Variants in DAB1 observed in about 807,000 individuals in gnomAD.
DAB1 encodes disabled homolog 1.
A neutral mutation model predicts 64.6 loss-of-function variants in DAB1; 15 were observed. That is an observed-to-expected ratio of 0.23 (90% CI 0.16 to 0.36). The LOEUF (loss-of-function observed/expected upper bound fraction) is 0.36, where lower values mean the gene tolerates loss of function less well. Ranked by LOEUF, DAB1 falls within the 10% of genes least tolerant of loss-of-function variation. The probability of loss-of-function intolerance (pLI) is 1.00; values close to 1 mark genes in which losing one functional copy is unlikely to be tolerated. For missense variants in DAB1, 596 were observed against 706.7 expected (o/e 0.84, Z 1.78); for synonymous variants, 235 against 251.9 (o/e 0.93, Z 0.64).
chr1:57,247,142 G>A, intron 2 of DAB1, among the ~76,000 whole-genome samples: 1 of 152,140 alleles, frequency 6.6e-6, no homozygotes, highest in East Asian at 1.9e-4. Flanking sequence ...GATTTGGGAG[G>A]AGCTAGGGGC....
intron 6 of DAB1, among the ~76,000 whole-genome samples, chr1:57,819,709 T>C (rs983861662): frequency 6.6e-6 from 1 of 152,210 alleles, no homozygotes; most frequent in African/African-American, 2.4e-5. Context: ...CCATTTATCT[T>C]GTGCTCCCAC....
At position 58,006,212 on chromosome 1, in the gene DAB1, C is replaced by T. The variant is rs189313349; in HGVS notation, n.388-122050G>A. 6.6e-5 allele frequency among the ~76,000 whole-genome samples: 10 copies of T among 152,294 alleles called. No homozygotes were observed. In the East Asian group the frequency reaches 1.9e-3, roughly 29 times the overall value. On this transcript the variant is annotated intron_variant and non_coding_transcript_variant, in intron 5 of 20. Transcript: ENST00000485760. The stretch of plus-strand genomic sequence containing the variant: ...ATTTATCAATTTAACATTGTTGAGA[C>T]TCTATCATGTGAGATAAAAAGACAC...
chr1:57,805,371 A>G (rs769805214), intron 6 of DAB1, among the ~76,000 whole-genome samples: 1 of 152,218 alleles, frequency 6.6e-6, no homozygotes, highest in African/African-American at 2.4e-5. Flanking sequence ...AATTTAGCCC[A>G]TATAATGAGC....
chr1:58,507,955 T>C (rs561439242), intron 2 of DAB1, among the ~76,000 whole-genome samples: 1 of 152,310 alleles, frequency 6.6e-6, no homozygotes, highest in East Asian at 1.9e-4. Flanking sequence ...TCACGAATTA[T>C]CTAACATGAA....
chr1:57,106,537 G>A (rs1570702942), intron 4 of DAB1, among the ~76,000 whole-genome samples: 1 of 152,284 alleles, frequency 6.6e-6, no homozygotes, highest in East Asian at 1.9e-4. Flanking sequence ...GGTGGAGCTT[G>A]CTTCCTTTCT....
At chr1:58,145,792 T>G (rs1339555692) in intron 5 of DAB1, among the ~76,000 whole-genome samples, 2 of 152,180 alleles carry the variant, frequency 1.3e-5, no homozygotes, top group African/African-American at 4.8e-5. Context: ...TTCACTGACA[T>G]AAAAGGAAGA....
At chr1:58,426,415 A>G (rs1292396447) in intron 3 of DAB1, among the ~76,000 whole-genome samples, 1 of 152,220 alleles carries the variant, frequency 6.6e-6, no homozygotes, top group African/African-American at 2.4e-5. Context: ...CATTCAGCAG[A>G]TATTTATTAA....
intron 2 of DAB1, among the ~76,000 whole-genome samples, chr1:57,152,296 T>C (rs548719041): frequency 3.9e-5 from 6 of 152,292 alleles, no homozygotes; most frequent in Admixed American, 2.0e-4. Flanking sequence ...ATCGAATGGT[T>C]TGAAGATTTC....
At chr1:57,126,509 C>T (rs1475455681) in intron 4 of DAB1, among the ~76,000 whole-genome samples, 2 of 152,090 alleles carry the variant, frequency 1.3e-5, no homozygotes, top group South Asian at 2.1e-4. Context: ...CCTCTATTTC[C>T]CAAAATTGTT....
At chr1:58,423,948 A>G (rs11207228) in intron 3 of DAB1, among the ~76,000 whole-genome samples, 1 of 152,084 alleles carries the variant, frequency 6.6e-6, no homozygotes, top group Non-Finnish European at 1.5e-5. Context: ...CAAGGAAAGG[A>G]TCTAAGAGAG....
intron 2 of DAB1, among the ~76,000 whole-genome samples, chr1:57,270,471 C>G (rs182054442): frequency 1.9e-3 from 286 of 152,270 alleles, no homozygotes; most frequent in African/African-American, 6.7e-3. Context: ...TGCCCAAAAC[C>G]ATAAGAGGCA....
intron 5 of DAB1, among the ~76,000 whole-genome samples, chr1:58,108,073 TCTGGCTGCACACA>T (rs1651767031): frequency 6.6e-6 from 1 of 152,104 alleles, no homozygotes; most frequent in Non-Finnish European, 1.5e-5. Flanking sequence ...AACTCATGAG[TCTGGCTGCACACA>T]GCACTGGTGA....
chr1:57,148,862 A>T (rs925605010), intron 2 of DAB1, among the ~76,000 whole-genome samples: 3 of 152,230 alleles, frequency 2.0e-5, no homozygotes, highest in Admixed American at 2.0e-4. Flanking sequence ...CAACTCACAT[A>T]CTGTACAATT....
chr1:57,949,447 T>C (rs1645233866), intron 5 of DAB1, among the ~76,000 whole-genome samples: 1 of 151,738 alleles, frequency 6.6e-6, no homozygotes, highest in African/African-American at 2.4e-5. Flanking sequence ...GATGCCTGTG[T>C]TAAGCAATTC....
intron 3 of DAB1, among the ~76,000 whole-genome samples, chr1:58,457,288 A>AC (rs1645201029): frequency 1.3e-5 from 2 of 152,176 alleles, no homozygotes; most frequent in Non-Finnish European, 2.9e-5. Flanking sequence ...TCCAAGAAGT[A>AC]GCGAGGAAAA....
At chr1:57,135,723 A>G (rs1408194312) in intron 4 of DAB1, among the ~76,000 whole-genome samples, 1 of 152,178 alleles carries the variant, frequency 6.6e-6, no homozygotes. Flanking sequence ...AATAATGCAA[A>G]ATGACCAAGG....
At chr1:58,437,898 G>A (rs1038330746) in intron 3 of DAB1, among the ~76,000 whole-genome samples, 1 of 152,172 alleles carries the variant, frequency 6.6e-6, no homozygotes, top group Non-Finnish European at 1.5e-5. Context: ...GTCCTAGGTG[G>A]AGACAGTTCT....
At chr1:58,455,951 C>T (rs1645189476) in intron 3 of DAB1, among the ~76,000 whole-genome samples, 1 of 152,220 alleles carries the variant, frequency 6.6e-6, no homozygotes, top group African/African-American at 2.4e-5. Flanking sequence ...TCCGAGTCAG[C>T]CCAGAGCAGG....
chr1:58,519,384 G>A (rs1190534003), intron 2 of DAB1, among the ~76,000 whole-genome samples: 3 of 152,144 alleles, frequency 2.0e-5, no homozygotes, highest in Non-Finnish European at 2.9e-5. Flanking sequence ...CTGCAGACAC[G>A]TGAATGACCA....
Sources: gnomAD v4.1 joint callset for allele counts (sites outside exome capture counted in the v4.1 genomes callset) on GRCh38, gnomAD v4.1.1 for gene constraint, MANE v1.5 for transcripts, NCBI Gene and HGNC (gene_info 2026-07-23, HGNC 2026-07-21) for gene names.